The following SOX6 variants were observed in gnomAD, a reference collection of about 807,000 sequenced individuals.
SOX6 encodes the protein SRY-box transcription factor 6.
Under a neutral mutation model 97.8 loss-of-function variants are expected in SOX6, and 11 were observed. That is an observed-to-expected ratio of 0.11 (90% CI 0.07 to 0.19). SOX6 has a LOEUF of 0.19. Ranked by LOEUF, SOX6 falls within the 10% of genes least tolerant of loss-of-function variation. The probability of loss-of-function intolerance (pLI) is 1.00; values close to 1 mark genes in which losing one functional copy is unlikely to be tolerated. For missense variants in SOX6, 810 were observed against 1,039.5 expected, an observed-to-expected ratio of 0.78 and a Z score of 3.04; for synonymous variants, 360 against 371.4, an observed-to-expected ratio of 0.97 and a Z score of 0.35.
intron 4 of SOX6, among the ~76,000 whole-genome samples, chr11:16,611,054 C>T (rs937350699): frequency 6.6e-6 from 1 of 152,214 alleles, no homozygotes; most frequent in Non-Finnish European, 1.5e-5. Flanking sequence ...CCGCAGCAGT[C>T]GCTGCCTCTG....
chr11:16,603,038 A>G (rs1848289775), intron 4 of SOX6, among the ~76,000 whole-genome samples: 1 of 152,134 alleles, frequency 6.6e-6, no homozygotes, highest in African/African-American at 2.4e-5. Flanking sequence ...AAAAGAAAAA[A>G]AAAAGAAAAG....
chr11:16,562,421 G>C (rs935367245), intron 4 of SOX6, among the ~76,000 whole-genome samples: 1 of 152,032 alleles, frequency 6.6e-6, no homozygotes, highest in Non-Finnish European at 1.5e-5. Context: ...CCCCAAAAAA[G>C]TTTGCTCTCT....
intron 7 of SOX6, among the ~76,000 whole-genome samples, chr11:16,102,177 C>T (rs1447504667): frequency 6.6e-6 from 1 of 151,838 alleles, no homozygotes; most frequent in Non-Finnish European, 1.5e-5. Flanking sequence ...ATGAATTCAG[C>T]AAAGTTTCAG....
intron 4 of SOX6, among the ~76,000 whole-genome samples, chr11:16,611,172 G>A (rs1188088418): frequency 6.6e-6 from 1 of 152,240 alleles, no homozygotes; most frequent in Non-Finnish European, 1.5e-5. Context: ...AAGGAAAGGC[G>A]CGCACGGTTC....
chr11:16,430,020 T>C (rs1380425576), intron 1 of SOX6, among the ~76,000 whole-genome samples: 4 of 152,190 alleles, frequency 2.6e-5, no homozygotes, highest in South Asian at 4.1e-4. Flanking sequence ...CTCAGACTAT[T>C]GTGAGAAATA....
At chr11:16,531,280 C>A (rs1041700529) in intron 4 of SOX6, among the ~76,000 whole-genome samples, 2 of 151,154 alleles carry the variant, frequency 1.3e-5, no homozygotes, top group Admixed American at 1.3e-4. Flanking sequence ...CCTACACAAC[C>A]CCTCCTAATA....
chr11:16,470,593 A>G (rs764379168), intron 1 of SOX6, among the ~76,000 whole-genome samples: 5 of 152,120 alleles, frequency 3.3e-5, no homozygotes, highest in Admixed American at 2.6e-4. Context: ...CGTCTCTACA[A>G]TCTCCTCCCC....
intron 6 of SOX6, among the ~76,000 whole-genome samples, chr11:16,132,145 A>T (rs1255108299): frequency 2.0e-5 from 3 of 151,250 alleles, no homozygotes; most frequent in Non-Finnish European, 4.4e-5. Flanking sequence ...TTTACCTAAG[A>T]CTATACCAAG....
At chr11:16,527,871 G>A (rs1419856210) in intron 4 of SOX6, among the ~76,000 whole-genome samples, 2 of 152,126 alleles carry the variant, frequency 1.3e-5, no homozygotes, top group African/African-American at 4.8e-5. Context: ...GACTTCGGGA[G>A]TCATTGTGAC....
intron 2 of SOX6, among the ~76,000 whole-genome samples, chr11:16,725,308 G>C (rs982670746): frequency 1.3e-5 from 2 of 152,100 alleles, no homozygotes; most frequent in Non-Finnish European, 2.9e-5. Context: ...TGGACCCCTC[G>C]AACCCAGGAG....
At chr11:16,502,275 A>G (rs1189349524) in intron 4 of SOX6, among the ~76,000 whole-genome samples, 4 of 152,150 alleles carry the variant, frequency 2.6e-5, no homozygotes, top group African/African-American at 9.7e-5. Context: ...GAACACATGG[A>G]CACAGGAAGT....
intron 13 of SOX6, among the ~76,000 whole-genome samples, chr11:16,009,850 C>G (rs1854657695): frequency 6.6e-6 from 1 of 151,920 alleles, no homozygotes; most frequent in Non-Finnish European, 1.5e-5. Context: ...TACAGTTTGC[C>G]TCTGCTGCCT....
intron 4 of SOX6, among the ~76,000 whole-genome samples, chr11:16,600,980 T>C (rs1322682527): frequency 6.6e-6 from 1 of 152,176 alleles, no homozygotes; most frequent in African/African-American, 2.4e-5. Context: ...ATTCAGGGCA[T>C]AATCAGTAGA....
intron 1 of SOX6, among the ~76,000 whole-genome samples, chr11:16,347,259 T>C (rs1037220212): frequency 1.3e-5 from 2 of 152,134 alleles, no homozygotes; most frequent in African/African-American, 4.8e-5. Context: ...TCAAAACAAC[T>C]TGACTTCATG....
chr11:16,373,996 G>C (rs1424259613), intron 1 of SOX6, among the ~76,000 whole-genome samples: 1 of 151,894 alleles, frequency 6.6e-6, no homozygotes, highest in African/African-American at 2.4e-5. Context: ...CCTCAGTATA[G>C]CTAATAAATA....
intron 1 of SOX6, among the ~76,000 whole-genome samples, chr11:16,448,279 C>G (rs1859651455): frequency 6.6e-6 from 1 of 152,160 alleles, no homozygotes; most frequent in African/African-American, 2.4e-5. Flanking sequence ...TATTGCCAAG[C>G]ACCTTTCCCC....
chr11:16,435,020 A>G (rs1232345343), intron 1 of SOX6, among the ~76,000 whole-genome samples: 1 of 152,160 alleles, frequency 6.6e-6, no homozygotes, highest in Admixed American at 6.6e-5. Context: ...AAGTTAAATA[A>G]TAGTATTCAC....
chr11:15,976,193 A>G (rs4756842), intron 15 of SOX6, among the ~76,000 whole-genome samples: 3 of 152,012 alleles, frequency 2.0e-5, no homozygotes, highest in East Asian at 3.9e-4. Flanking sequence ...GTGAGAACTT[A>G]TCCCTGTGAG....
intron 3 of SOX6, among the ~76,000 whole-genome samples, chr11:16,647,626 C>T (rs748302223): frequency 1.3e-5 from 2 of 152,148 alleles, no homozygotes; most frequent in Non-Finnish European, 2.9e-5. Context: ...TTCACAGACT[C>T]TTTGAAAGAA....
Sources: gnomAD v4.1 joint callset for allele counts (sites outside exome capture counted in the v4.1 genomes callset) on GRCh38, gnomAD v4.1.1 for gene constraint, MANE v1.5 for transcripts, NCBI Gene and HGNC (gene_info 2026-07-23, HGNC 2026-07-21) for gene names.